The following ADAT1 variants were observed in gnomAD, a reference collection of about 807,000 sequenced individuals.
ADAT1 encodes adenosine deaminase tRNA specific 1.
A neutral mutation model predicts 58.6 loss-of-function variants in ADAT1; 58 were observed. The observed-to-expected ratio is 0.99, with a 90% confidence interval of 0.80 to 1.23. The LOEUF (loss-of-function observed/expected upper bound fraction) is 1.23. Among genes scored for constraint, ADAT1 ranks in the 50% most tolerant of loss-of-function variants. The pLI is 0.00. For missense variants in ADAT1, 741 were observed against 608.6 expected, an observed-to-expected ratio of 1.22 and a Z score of -2.29; for synonymous variants, 254 against 220.8, an observed-to-expected ratio of 1.15 and a Z score of -1.33.
At position 75,620,816 on chromosome 16, in the gene ADAT1, G is replaced by GATCA; in HGVS notation, c.-18_-17insTGAT. On this transcript the variant is annotated 5_prime_UTR_variant, in exon 2 of 10. Transcript: ENST00000564657. Reference sequence around the variant, plus strand: ...GGTCCACATGGTCTGAGCTGGTATTGAGACCTTGATCAAAAACCACAACCA... The same window carrying GATCA: ...GGTCCACATGGTCTGAGCTGGTATTGATCAAGACCTTGATCAAAAACCACAACCA... 1.3e-6 allele frequency: 2 copies of GATCA among 1,598,654 alleles called. No homozygotes were observed. Among genetic ancestry groups the GATCA allele is most frequent in the Non-Finnish European group, 1.7e-6 (2 of 1,168,518 alleles).
intron 3 of ADAT1, chr16:75,619,675 C>T (rs1388822152): frequency 4.4e-6 from 2 of 453,200 alleles, no homozygotes; most frequent in Admixed American, 2.4e-5. Flanking sequence ...CTTTGGGAGG[C>T]CAATGTGGGC....
intron 6 of ADAT1, among the ~76,000 whole-genome samples, chr16:75,610,890 T>C (rs940575339): frequency 8.6e-5 from 13 of 152,030 alleles, no homozygotes; most frequent in African/African-American, 3.1e-4. Flanking sequence ...GGTGGGAGAA[T>C]TACTTAAGGC....
chr16:75,612,532 T>C lies in ADAT1; in HGVS notation c.754A>G (p.Lys252Glu), dbSNP rs1213492833. The C allele has an allele frequency of 3.1e-6, 5 of 1,614,060 alleles. No individual in the cohort carries two copies. Among genetic ancestry groups the C allele is most frequent in the Non-Finnish European group, 4.2e-6 (5 of 1,180,028 alleles). ...TVTRIAPGSA[K>E]VIDVYRTGAK... ...CCAGTTCTATAAACGTCTATCACTTTGGCACTACCAGGGGCTATTCTGGTG... is the reference window on the plus strand; with the variant it reads ...CCAGTTCTATAAACGTCTATCACTTCGGCACTACCAGGGGCTATTCTGGTG... The change falls in exon 6 of 10, where the codon AAA becomes GAA. Residue 252 changes from lysine to glutamate, a missense_variant. Coordinates refer to ENST00000564657, the MANE Select transcript of ADAT1 (RefSeq NM_001324445.2).
chr16:75,605,655 G>T (rs558036255), intron 8 of ADAT1, among the ~76,000 whole-genome samples: 4 of 151,962 alleles, frequency 2.6e-5, no homozygotes, highest in Non-Finnish European at 5.9e-5. Context: ...CCCGAAAAAG[G>T]CTGGGTGTGG....
intron 9 of ADAT1, 92 bp from the exon 10 acceptor site, chr16:75,600,440 T>A (rs2081195837): frequency 1.3e-6 from 2 of 1,549,670 alleles, no homozygotes; most frequent in South Asian, 2.4e-5. Flanking sequence ...TGGACAGACT[T>A]GTAATGAGAC....
In ADAT1 at chr16:75,597,930, G is replaced by A. The variant is rs2081115041; in HGVS notation, c.*2286C>T. 6.6e-6 allele frequency among the ~76,000 whole-genome samples: 1 copy of A among 152,224 alleles called. No individual in the cohort carries two copies. Among genetic ancestry groups the A allele is most frequent in the Non-Finnish European group, 1.5e-5 (1 of 68,042 alleles). On this transcript the variant is annotated 3_prime_UTR_variant, in exon 10 of 10. Coordinates refer to ENST00000564657, the MANE Select transcript of ADAT1 (RefSeq NM_001324445.2). ...TCACCTGTTACTTATCTCCTGCTGTGTGACCTTGTTCCTGACAGGCCACAG... is the reference window on the plus strand; with the variant it reads ...TCACCTGTTACTTATCTCCTGCTGTATGACCTTGTTCCTGACAGGCCACAG...
Position 75,620,791 on chromosome 16 carries a change from G to C in ADAT1, c.9C>G (p.Thr3=). Residue 3 remains threonine, a synonymous_variant, in exon 2 of 10, where the codon ACC becomes ACG. Transcript: ENST00000564657. ...AGCATAGCTGAGCAATCTCATCCGC[G>C]GTCCACATGGTCTGAGCTGGTATTG... MW[T]ADEIAQLCYE... 6.2e-7 allele frequency: 1 copy of C among 1,612,058 alleles called. No homozygotes were observed. Among genetic ancestry groups the C allele is most frequent in the Non-Finnish European group, 8.5e-7 (1 of 1,178,494 alleles).
intron 8 of ADAT1, among the ~76,000 whole-genome samples, chr16:75,605,626 T>G (rs1200157538): frequency 6.6e-6 from 1 of 151,996 alleles, no homozygotes; most frequent in Non-Finnish European, 1.5e-5. Flanking sequence ...TTGTATATGA[T>G]GATCTACATT....
chr16:75,612,951 T>G, intron 5 of ADAT1, 90 bp from the exon 6 acceptor site: 6 of 1,480,202 alleles, frequency 4.1e-6, no homozygotes, highest in Non-Finnish European at 5.4e-6. Flanking sequence ...TCATCAGAAA[T>G]GCAAACTCTT....
intron 6 of ADAT1, among the ~76,000 whole-genome samples, chr16:75,609,349 T>C (rs1253483745): frequency 1.3e-5 from 2 of 152,182 alleles, no homozygotes; most frequent in East Asian, 3.8e-4. Context: ...AAAATTATCC[T>C]ATAATATAAA....
intron 6 of ADAT1, among the ~76,000 whole-genome samples, chr16:75,611,630 C>A (rs1428290271): frequency 6.6e-6 from 1 of 152,068 alleles, no homozygotes; most frequent in African/African-American, 2.4e-5. Context: ...AATCCGCCCC[C>A]CTCGACCTCC....
In ADAT1 at chr16:75,612,490, C is replaced by T; in HGVS notation, c.796G>A (p.Gly266Arg). 1 of 1,614,208 alleles carries T rather than the reference C, an allele frequency of 6.2e-7. No homozygotes were observed. Among genetic ancestry groups the T allele is most frequent in the Non-Finnish European group, 8.5e-7 (1 of 1,180,038 alleles). ...VYRTGAKCVP[G>R]EAGDSGKPGA... is the part of the protein sequence containing the mutation. Reference sequence around the variant, plus strand: ...GGCTTTCCGGAGTCTCCAGCTTCTCCAGGTACACACTTGGCTCCAGTTCTA... The same window carrying T: ...GGCTTTCCGGAGTCTCCAGCTTCTCTAGGTACACACTTGGCTCCAGTTCTA... The change falls in exon 6 of 10, where the codon GGA (glycine) becomes AGA (arginine). Residue 266 changes from glycine (G) to arginine (R), a missense_variant. Gly to Arg is a moderately radical substitution (Grantham distance 125). Coordinates refer to ENST00000564657, the MANE Select transcript of ADAT1 (RefSeq NM_001324445.2).
intron 7 of ADAT1, 142 bp from the exon 8 acceptor site, chr16:75,608,465 T>C (rs762079768): frequency 1.4e-6 from 1 of 692,474 alleles, no homozygotes. Flanking sequence ...TATTGGATGC[T>C]TGGCCTCCAG....
Position 75,600,343 on chromosome 16 carries a change from T to C in ADAT1, c.1382A>G (p.Gln461Arg). Residue 461 changes from glutamine to arginine, a missense_variant, in exon 10 of 10, where the codon CAG (glutamine) becomes CGG (arginine). Coordinates refer to ENST00000564657, the MANE Select transcript of ADAT1 (RefSeq NM_001324445.2). ...GTACTCCTGGTAGGTATCCAGCTTC[T>C]GCACCCTAATGCACACAGGCCACCA... ...RDKWPHSLRV[Q>R]KLDTYQEYKE... The C allele has an allele frequency of 6.2e-7, 1 of 1,613,478 alleles. No individual in the cohort carries two copies. Among genetic ancestry groups the C allele is most frequent in the Non-Finnish European group, 8.5e-7 (1 of 1,179,962 alleles).
chr16:75,608,143 G>A (rs113075748), intron 8 of ADAT1, 81 bp downstream of exon 8: 7 of 1,226,574 alleles, frequency 5.7e-6, no homozygotes, highest in Non-Finnish European at 8.4e-6. Context: ...TCTTTTTGGG[G>A]TAATAAAAAT....
rs528093436 is a variant in ADAT1 at position 75,600,804 on chromosome 16, G to A, written c.1377-456C>T. The stretch of plus-strand genomic sequence containing the variant: ...CTTCCCTTTGTTCTTCAGACATATT[G>A]AAGACCACCCAGTCTGTATGTCTTG... On this transcript the variant is annotated intron_variant, in intron 9 of 9. Coordinates refer to ENST00000564657, the MANE Select transcript of ADAT1 (RefSeq NM_001324445.2). Among the ~76,000 whole-genome samples the A allele has an allele frequency of 7.9e-5, 12 of 152,168 alleles. No individual in the cohort carries two copies. In the South Asian group the frequency reaches 1.5e-3, roughly 18 times the overall value.
chr16:75,619,354 C>T (rs1264963661), intron 3 of ADAT1, among the ~76,000 whole-genome samples: 1 of 151,966 alleles, frequency 6.6e-6, no homozygotes, highest in Non-Finnish European at 1.5e-5. Context: ...GAGACCAAAT[C>T]TCTACAAAAT....
chr16:75,601,297 G>T (rs1413782931), intron 9 of ADAT1, among the ~76,000 whole-genome samples: 1 of 151,528 alleles, frequency 6.6e-6, no homozygotes, highest in Non-Finnish European at 1.5e-5. Context: ...CTACGATTGT[G>T]CCACTGTACT....
chr16:75,621,351 C>T (rs1232737863), intron 1 of ADAT1, among the ~76,000 whole-genome samples: 1 of 151,862 alleles, frequency 6.6e-6, no homozygotes, highest in Non-Finnish European at 1.5e-5. Flanking sequence ...GTTACGTGTT[C>T]TCATAGAGCT....
Sources: allele counts gnomAD v4.1 joint callset (sites outside exome capture counted in the v4.1 genomes callset), GRCh38; gene constraint gnomAD v4.1.1; transcripts MANE v1.5; gene names NCBI Gene and HGNC (gene_info 2026-07-23, HGNC 2026-07-21).